The following MKKS variants were observed in gnomAD, a reference collection of about 807,000 sequenced individuals.
MKKS encodes the protein MKKS centrosomal shuttling protein.
A neutral mutation model predicts 33.2 loss-of-function variants in MKKS; 29 were observed. The ratio of observed to expected loss-of-function variants is 0.87; its 90% confidence interval spans 0.65 to 1.19. The LOEUF (loss-of-function observed/expected upper bound fraction) is 1.19, where lower values mean the gene tolerates loss of function less well. Among genes scored for constraint, MKKS ranks in the 50% most tolerant of loss-of-function variants. The pLI, the probability that MKKS is intolerant of heterozygous loss-of-function variation, is 0.00. For missense variants in MKKS, 661 were observed against 662.3 expected (o/e 1.00, Z 0.02); for synonymous variants, 260 against 244.0 (o/e 1.07, Z -0.61).
intron 2 of MKKS, among the ~76,000 whole-genome samples, chr20:10,415,561 T>C (rs1315269370): frequency 2.6e-5 from 4 of 152,184 alleles, no homozygotes; most frequent in South Asian, 4.1e-4. Context: ...AATCTGTTTA[T>C]TGATGCCAGG....
chr20:10,411,064 GC>G (rs2064882090), intron 3 of MKKS, among the ~76,000 whole-genome samples: 1 of 150,780 alleles, frequency 6.6e-6, no homozygotes, highest in Admixed American at 6.6e-5. Flanking sequence ...TCGGTTCACT[GC>G]AACCTCCACC....
At chr20:10,407,260 A>G (rs1030381252) in intron 5 of MKKS, among the ~76,000 whole-genome samples, 1 of 152,198 alleles carries the variant, frequency 6.6e-6, no homozygotes, top group Non-Finnish European at 1.5e-5. Context: ...GAGATCTCTA[A>G]GAGAACTCCC....
rs768799434 is a variant in MKKS, at chr20:10,408,730, T to C, written c.1059A>G (p.Ala353=). The C allele has an allele frequency of 3.1e-6, 5 of 1,613,968 alleles. No individual in the cohort carries two copies. The Admixed American group carries it at 8.3e-5, about 27-fold the overall frequency. Reference sequence around the variant, plus strand: ...GAAAAAAATGTTTGGAGCCAAATTTTGCAGTGCACACATCTTTCACACTTC... The same window carrying C: ...GAAAAAAATGTTTGGAGCCAAATTTCGCAGTGCACACATCTTTCACACTTC... ...SYGSVKDVCT[A]KFGSKHFFHL... is the part of the protein sequence containing the mutation. The change falls in exon 4 of 6, where the codon GCA becomes GCG. Residue 353 remains alanine (A), a synonymous_variant. Coordinates refer to ENST00000347364, the MANE Select transcript of MKKS (RefSeq NM_170784.3).
intron 1 of MKKS, among the ~76,000 whole-genome samples, chr20:10,421,157 T>G (rs2064977596): frequency 6.6e-6 from 1 of 152,020 alleles, no homozygotes; most frequent in African/African-American, 2.4e-5. Flanking sequence ...AGGCTGAGGG[T>G]GGTGGCTCAC....
intron 2 of MKKS, among the ~76,000 whole-genome samples, chr20:10,419,303 G>A (rs1468873707): frequency 1.3e-5 from 2 of 152,026 alleles, no homozygotes; most frequent in Non-Finnish European, 2.9e-5. Flanking sequence ...GGCCAGATGA[G>A]TTTCATAATT....
Position 10,413,208 on chromosome 20 carries a change from T to A in MKKS, c.307A>T (p.Ile103Phe). The change falls in exon 3 of 6, where the codon ATT becomes TTT. Residue 103 changes from isoleucine to phenylalanine, a missense_variant. Ile to Phe is a conservative substitution (Grantham distance 21, BLOSUM62 0). Transcript: ENST00000347364. The part of the protein sequence containing the change: ...LFTAILCCNL[I>F]ENVQRLGLTP... ...AAGCCTAATCTCTGAACATTTTCAA[T>A]CAGGTTGCAGCAAAGAATAGCTGTG... 6.2e-7 allele frequency: 1 copy of A among 1,614,184 alleles called. No individual in the cohort carries two copies. Among genetic ancestry groups the A allele is most frequent in the Non-Finnish European group, 8.5e-7 (1 of 1,180,038 alleles).
Position 10,430,668 on chromosome 20 carries a change from G to A in MKKS, c.-649+3440C>T, listed in dbSNP as rs138858223. Among the ~76,000 whole-genome samples, 10 of 152,300 alleles carry A rather than the reference G, an allele frequency of 6.6e-5. No homozygotes were observed. In the East Asian group the frequency reaches 1.3e-3, roughly 21 times the overall value. On this transcript the variant is annotated intron_variant, in intron 1 of 5. Transcript: ENST00000347364. ...AGGTCTTTGGGGTTTGACTAGGGTA[G>A]TGAATCTGGTAATTAGATTCTAGGA...
At position 10,409,415 on chromosome 20, in the gene MKKS, T is replaced by C. The variant is rs145870977; in HGVS notation, c.986-612A>G. Among the ~76,000 whole-genome samples, 305 of 152,332 alleles carry C rather than the reference T, an allele frequency of 2.0e-3. 3 individuals are homozygous for C. Among genetic ancestry groups the C allele is most frequent in the African/African-American group, 7.1e-3 (294 of 41,566 alleles). ...TGATATATTAAGTATTTTGTCCTCC[T>C]ACCTGCACATGTAAAATAGTGAAGT... On this transcript the variant is annotated intron_variant, in intron 3 of 5. Transcript: ENST00000347364.
intron 1 of MKKS, among the ~76,000 whole-genome samples, chr20:10,422,491 A>G (rs1367709681): frequency 6.6e-6 from 1 of 152,162 alleles, no homozygotes. Context: ...GGAGGAATTT[A>G]GAGTAAGGAG....
chr20:10,425,751 G>A (rs1271000244), intron 1 of MKKS, among the ~76,000 whole-genome samples: 1 of 152,188 alleles, frequency 6.6e-6, no homozygotes, highest in African/African-American at 2.4e-5. Flanking sequence ...AGTGTTTGAT[G>A]CTCATTTATT....
chr20:10,428,061 A>C (rs975063278), intron 1 of MKKS, among the ~76,000 whole-genome samples: 3 of 152,250 alleles, frequency 2.0e-5, no homozygotes, highest in African/African-American at 7.2e-5. Context: ...ATATACTGAA[A>C]GCATCATAAG....
intron 5 of MKKS, among the ~76,000 whole-genome samples, chr20:10,406,578 C>G (rs1420180553): frequency 6.6e-6 from 1 of 152,148 alleles, no homozygotes; most frequent in Non-Finnish European, 1.5e-5. Context: ...ATTGTTTGCA[C>G]AACAATATTG....
rs1053689293 is a variant in MKKS at position 10,403,718 on chromosome 20, C to T, written c.*1529G>A. ...GGAGTCACTAAGTCTAGCCCATGCT[C>T]AAGGGGAGGAAATTATGCAAGGTCT... On this transcript the variant is annotated 3_prime_UTR_variant, in exon 6 of 6. Coordinates refer to ENST00000347364, the MANE Select transcript of MKKS (RefSeq NM_170784.3). 5.9e-5 allele frequency: 9 copies of T among 152,010 alleles called. No homozygotes were observed. Among genetic ancestry groups the T allele is most frequent in the Admixed American group, 2.6e-4 (4 of 15,268 alleles). The allele number at this position is 152,010 out of a possible 1,614,324, so 9.4% of individuals were successfully genotyped here.
chr20:10,410,042 T>C (rs138099904), intron 3 of MKKS, among the ~76,000 whole-genome samples: 81 of 148,554 alleles, frequency 5.5e-4, no homozygotes, highest in African/African-American at 1.8e-3. Context: ...CTCAAAAAAT[T>C]TATAGAATAT....
chr20:10,422,286 GCCTTTT>G (rs1162229499), intron 1 of MKKS, among the ~76,000 whole-genome samples: 2 of 151,704 alleles, frequency 1.3e-5, no homozygotes, highest in Non-Finnish European at 2.9e-5. Flanking sequence ...GTATTTTATG[GCCTTTT>G]CCTTTTCTAA....
In MKKS at chr20:10,425,735, T is replaced by C. The variant is rs2065010353; in HGVS notation, c.-648-4977A>G. ...AGCAGTAACTGGTTAATCCCTAAAATAAGTTAGTGTTTGATGCTCATTTAT... is the reference window on the plus strand; with the variant it reads ...AGCAGTAACTGGTTAATCCCTAAAACAAGTTAGTGTTTGATGCTCATTTAT... On this transcript the variant is annotated intron_variant, in intron 1 of 5. Coordinates refer to ENST00000347364, the MANE Select transcript of MKKS (RefSeq NM_170784.3). Among the ~76,000 whole-genome samples the C allele has an allele frequency of 2.6e-5, 4 of 152,186 alleles. No individual in the cohort carries two copies. In the South Asian group the frequency reaches 8.3e-4, roughly 31 times the overall value.
Position 10,404,389 on chromosome 20 carries a change from T to C in MKKS, c.*858A>G, listed in dbSNP as rs1251865715. 3 of 151,462 alleles carry C rather than the reference T, an allele frequency of 2.0e-5. No homozygotes were observed. The highest frequency in any genetic ancestry group is 7.3e-5 in the African/African-American group (3 of 41,186). 9.4% of individuals were successfully genotyped at this position (151,462 alleles called of 1,614,324 possible). A position where few individuals can be genotyped will look rare whatever the true frequency, so the allele number is the denominator to read the frequency against. On this transcript the variant is annotated 3_prime_UTR_variant, in exon 6 of 6. Coordinates refer to ENST00000347364, the MANE Select transcript of MKKS (RefSeq NM_170784.3). ...CATTTGGCAATGTCTGGAAACATTTTTGGTTGTCACAACAGGAGGGTGCTA... is the reference window on the plus strand; with the variant it reads ...CATTTGGCAATGTCTGGAAACATTTCTGGTTGTCACAACAGGAGGGTGCTA...
chr20:10,408,199 T>G (rs1262969328), intron 4 of MKKS, among the ~76,000 whole-genome samples: 1 of 152,208 alleles, frequency 6.6e-6, no homozygotes, highest in East Asian at 1.9e-4. Context: ...CTTTAAAACT[T>G]GTGACCAATC....
chr20:10,431,852 T>C (rs2065055703), intron 1 of MKKS: 1 of 152,260 alleles, frequency 6.6e-6, no homozygotes, highest in African/African-American at 2.4e-5. Context: ...ATTCTTCTGC[T>C]TCAGCTCTTA....
Sources: gnomAD v4.1 joint callset for allele counts (sites outside exome capture counted in the v4.1 genomes callset) on GRCh38, gnomAD v4.1.1 for gene constraint, MANE v1.5 for transcripts, NCBI Gene and HGNC (gene_info 2026-07-23, HGNC 2026-07-21) for gene names.